The following BEND6 variants were observed in gnomAD, a reference collection of about 807,000 sequenced individuals.
The protein encoded by BEND6 is BEN domain containing 6.
BEND6 carries 24 observed loss-of-function variants against 31.8 expected under a neutral mutation model. That is an observed-to-expected ratio of 0.75 (90% CI 0.55 to 1.06). The LOEUF (loss-of-function observed/expected upper bound fraction) is 1.06, where lower values mean the gene tolerates loss of function less well. BEND6 is among the 50% of genes least tolerant of loss of function. The pLI, the probability that BEND6 is intolerant of heterozygous loss-of-function variation, is 0.00. For synonymous variants in BEND6, 109 were observed against 114.6 expected (o/e 0.95, Z 0.31); for missense variants, 294 against 327.4 (o/e 0.90, Z 0.79).
intron 6 of BEND6, among the ~76,000 whole-genome samples, chr6:57,022,792 C>A (rs1283760409): frequency 6.6e-6 from 1 of 152,138 alleles, no homozygotes; most frequent in Non-Finnish European, 1.5e-5. Flanking sequence ...CATCTCAGTA[C>A]TGCTTCTGCT....
At chr6:56,962,669 G>A (rs1306088293) in intron 1 of BEND6, among the ~76,000 whole-genome samples, 1 of 152,194 alleles carries the variant, frequency 6.6e-6, no homozygotes, top group Non-Finnish European at 1.5e-5. Flanking sequence ...AATCTACTTA[G>A]AGAAGATATT....
In BEND6 at chr6:57,018,496, G is replaced by C; in HGVS notation, c.788G>C (p.Cys263Ser). 1 of 1,584,024 alleles carries C rather than the reference G, an allele frequency of 6.3e-7. No homozygotes were observed. The highest frequency in any genetic ancestry group is 8.6e-7 in the Non-Finnish European group (1 of 1,169,518). Residue 263 changes from cysteine to serine, a missense_variant, in exon 6 of 7, where the codon TGT becomes TCT. By Grantham distance (112) the Cys-to-Ser change is moderately radical. Coordinates refer to ENST00000370746, the MANE Select transcript of BEND6 (RefSeq NM_152731.3). ...RRMIGQKLNNCTKKPNLSKNL... is the reference protein window; with the variant it reads ...RRMIGQKLNNSTKKPNLSKNL... The stretch of plus-strand genomic sequence containing the variant: ...ATGATAGGGCAAAAGCTAAACAACT[G>C]TACCAAGAAGCCAAATTTAAGCAAA...
chr6:56,976,243 T>G lies in BEND6; in HGVS notation c.-100-5468T>G, dbSNP rs367802336. 4.2e-4 allele frequency among the ~76,000 whole-genome samples: 64 copies of G among 151,226 alleles called. 1 individual carries two copies. In the East Asian group the frequency reaches 0.012, roughly 28 times the overall value. The stretch of plus-strand genomic sequence containing the variant: ...TACAGTCTCGCTCTGTCACCCAGGC[T>G]GGAGTGCAGTGGCGCGATCTCGACT... On this transcript the variant is annotated intron_variant, in intron 1 of 6. Transcript: ENST00000370746.
intron 1 of BEND6, among the ~76,000 whole-genome samples, chr6:56,966,628 G>A (rs1825489651): frequency 6.6e-6 from 1 of 152,182 alleles, no homozygotes; most frequent in Non-Finnish European, 1.5e-5. Context: ...TGGAGCAGGT[G>A]AAGATTGCCT....
chr6:56,975,254 T>G (rs1825831785), intron 1 of BEND6, among the ~76,000 whole-genome samples: 1 of 152,020 alleles, frequency 6.6e-6, no homozygotes, highest in African/African-American at 2.4e-5. Flanking sequence ...AAGTGTCATC[T>G]CCAAAAAATG....
chr6:57,025,344 G>T (rs1827868821), intron 6 of BEND6, among the ~76,000 whole-genome samples: 1 of 152,096 alleles, frequency 6.6e-6, no homozygotes, highest in Non-Finnish European at 1.5e-5. Context: ...GACTTGTTTT[G>T]GTTTTTATTG....
At chr6:56,968,391 G>A (rs1469501347) in intron 1 of BEND6, among the ~76,000 whole-genome samples, 2 of 126,524 alleles carry the variant, frequency 1.6e-5, no homozygotes, top group African/African-American at 6.0e-5. Flanking sequence ...CAGGAACACA[G>A]CTCACTGCAG....
At chr6:56,982,046 CT>C in intron 2 of BEND6, 116 bp downstream of exon 2, 1 of 1,179,328 alleles carries the variant, frequency 8.5e-7, no homozygotes, top group Non-Finnish European at 1.2e-6. Flanking sequence ...CTTTTCATTT[CT>C]TTATTCAATG....
chr6:56,957,429 C>T (rs978155501), intron 1 of BEND6, among the ~76,000 whole-genome samples: 1 of 151,884 alleles, frequency 6.6e-6, no homozygotes, highest in African/African-American at 2.4e-5. Flanking sequence ...TCATTTTTTC[C>T]AAATAACAGC....
Position 56,981,989 on chromosome 6 carries a change from T to C in BEND6, c.120+59T>C, listed in dbSNP as rs1826089208. On this transcript the variant is annotated intron_variant, in intron 2 of 6. Transcript: ENST00000370746. Reference sequence around the variant, plus strand: ...ATCTAGCTCAATCATAATTTCATGGTTTCTTTCATAATTTATTAGTGCTTC... The same window carrying C: ...ATCTAGCTCAATCATAATTTCATGGCTTCTTTCATAATTTATTAGTGCTTC... 10 of 1,520,584 alleles carry C rather than the reference T, an allele frequency of 6.6e-6. 1 individual carries two copies. In the South Asian group the frequency reaches 1.3e-4, roughly 20 times the overall value. 94.2% of individuals were successfully genotyped at this position (1,520,584 alleles called of 1,614,324 possible). A position where few individuals can be genotyped will look rare whatever the true frequency, so the allele number is the denominator to read the frequency against.
chr6:57,008,129 G>C (rs1032639959), intron 3 of BEND6: 1 of 701,578 alleles, frequency 1.4e-6, no homozygotes, highest in Non-Finnish European at 2.6e-6. Flanking sequence ...TACCTTCAAG[G>C]CCTGTCTACT....
intron 6 of BEND6, among the ~76,000 whole-genome samples, chr6:57,019,936 C>A (rs548923013): frequency 6.6e-6 from 1 of 151,858 alleles, no homozygotes; most frequent in Non-Finnish European, 1.5e-5. Flanking sequence ...TTATAAAATA[C>A]GGAAGAAAAA....
intron 1 of BEND6, among the ~76,000 whole-genome samples, chr6:56,960,279 C>CAAA (rs1825243095): frequency 6.7e-6 from 1 of 149,818 alleles, no homozygotes; most frequent in Non-Finnish European, 1.5e-5. Context: ...CATTATTATT[C>CAAA]CGATGGTATA....
At chr6:57,009,830 G>A (rs1431029864) in intron 3 of BEND6, 2 of 152,086 alleles carry the variant, frequency 1.3e-5, no homozygotes, top group African/African-American at 4.8e-5. Context: ...AGAAGAAAAC[G>A]TTATGGTCAT....
intron 6 of BEND6, among the ~76,000 whole-genome samples, chr6:57,025,841 C>T (rs3996930): frequency 0.96 from 145,928 of 152,098 alleles, 70,299 homozygotes; most frequent in East Asian, 1. Context: ...CATCCTCTTA[C>T]TTGAGTTCTG....
chr6:56,961,181 G>A (rs890763743), intron 1 of BEND6, among the ~76,000 whole-genome samples: 12 of 152,274 alleles, frequency 7.9e-5, no homozygotes, highest in Admixed American at 3.9e-4. Context: ...TTCTGAACTC[G>A]TATAAGTCAT....
intron 1 of BEND6, among the ~76,000 whole-genome samples, chr6:56,958,351 G>A (rs1038941763): frequency 2.0e-4 from 31 of 152,304 alleles, no homozygotes; most frequent in Admixed American, 1.0e-3. Context: ...TGTGGCACAA[G>A]TTCCTAATGT....
At chr6:56,959,117 A>G (rs752845658) in intron 1 of BEND6, among the ~76,000 whole-genome samples, 12 of 152,164 alleles carry the variant, frequency 7.9e-5, no homozygotes, top group Non-Finnish European at 1.6e-4. Flanking sequence ...GAGAAGGGAG[A>G]AGAGGACATT....
intron 2 of BEND6, among the ~76,000 whole-genome samples, chr6:56,984,584 A>G (rs187478397): frequency 1.5e-4 from 23 of 152,316 alleles, no homozygotes; most frequent in Admixed American, 1.4e-3. Context: ...GTAGGCCGGT[A>G]TTGTGGCTTC....
Sources: allele counts gnomAD v4.1 joint callset (sites outside exome capture counted in the v4.1 genomes callset), GRCh38; gene constraint gnomAD v4.1.1; transcripts MANE v1.5; gene names NCBI Gene and HGNC (gene_info 2026-07-23, HGNC 2026-07-21).